The following CMIP variants were observed in gnomAD, a reference collection of about 807,000 sequenced individuals.
CMIP encodes c-Maf inducing protein, also known as C-Maf-inducing protein.
Under a neutral mutation model 97.3 loss-of-function variants are expected in CMIP, and 13 were observed. That is an observed-to-expected ratio of 0.13 (90% CI 0.09 to 0.21). CMIP has a LOEUF of 0.21. Among genes scored for constraint, CMIP ranks in the 10% least tolerant of loss-of-function variants. CMIP has a pLI of 1.00. For synonymous variants in CMIP, 538 were observed against 436.3 expected, an observed-to-expected ratio of 1.23 and a Z score of -2.91; for missense variants, 847 against 1,024.9, an observed-to-expected ratio of 0.83 and a Z score of 2.37.
At chr16:81,696,825 G>A in intron 14 of CMIP, 158 bp downstream of exon 14, 1 of 672,242 alleles carries the variant, frequency 1.5e-6, no homozygotes, top group Middle Eastern at 3.5e-4. Context: ...TGGTGGTGAT[G>A]GTGACCGTGA....
chr16:81,657,565 G>C (rs185751623), intron 4 of CMIP, among the ~76,000 whole-genome samples: 97 of 152,194 alleles, frequency 6.4e-4, no homozygotes, highest in African/African-American at 2.3e-3. Context: ...CAAGAACTCA[G>C]TTCTCCCTGC....
rs1449221924 is a variant in CMIP, at chr16:81,678,617, C to T, written c.1377C>T (p.Ile459=). 2.6e-6 allele frequency: 4 copies of T among 1,567,838 alleles called. No individual in the cohort carries two copies. Among genetic ancestry groups the T allele is most frequent in the Non-Finnish European group, 3.5e-6 (4 of 1,147,076 alleles). ...ADRTLGCYVE[I]LKLLSDYDDW... ...GCACGCTCGGCTGCTACGTGGAAAT[C>T]CTCAAGCTGCTGTGAGTGCCCCCCC... The change falls in exon 10 of 21, where the codon ATC becomes ATT. Residue 459 remains isoleucine, a synonymous_variant. Transcript: ENST00000537098.
intron 1 of CMIP, among the ~76,000 whole-genome samples, chr16:81,588,157 C>A (rs2091412381): frequency 6.6e-6 from 1 of 152,166 alleles, no homozygotes; most frequent in African/African-American, 2.4e-5. Flanking sequence ...CCCTCCGGAT[C>A]CCCAGGGCTG....
intron 1 of CMIP, among the ~76,000 whole-genome samples, chr16:81,489,712 G>A (rs1406483601): frequency 6.6e-6 from 1 of 152,194 alleles, no homozygotes; most frequent in Non-Finnish European, 1.5e-5. Context: ...CACTGCCCAG[G>A]CTCGTTCAGG....
chr16:81,550,389 C>T (rs531926445), intron 1 of CMIP, among the ~76,000 whole-genome samples: 2 of 152,312 alleles, frequency 1.3e-5, no homozygotes, highest in South Asian at 2.1e-4. Flanking sequence ...ATGGCATGCC[C>T]TCCCAGCTTT....
chr16:81,640,737 C>CGTGTGTGTGTGTGTGT (rs1567627570), intron 3 of CMIP, among the ~76,000 whole-genome samples: 8 of 76,044 alleles, frequency 1.1e-4, no homozygotes, highest in African/African-American at 3.1e-4. Flanking sequence ...CTCTCTGGAG[C>CGTGTGTGTGTGTGTGT]ATGTGTGTGT....
At chr16:81,486,216 A>G (rs1289482322) in intron 1 of CMIP, among the ~76,000 whole-genome samples, 2 of 152,220 alleles carry the variant, frequency 1.3e-5, no homozygotes, top group Non-Finnish European at 2.9e-5. Flanking sequence ...AGGCTTTCTC[A>G]GAGATATTCA....
intron 1 of CMIP, among the ~76,000 whole-genome samples, chr16:81,532,759 C>G (rs1214973416): frequency 6.6e-6 from 1 of 152,208 alleles, no homozygotes; most frequent in Non-Finnish European, 1.5e-5. Flanking sequence ...TGGGATGCAG[C>G]TCTGTGCCCT....
At chr16:81,485,577 A>G (rs747197807) in intron 1 of CMIP, among the ~76,000 whole-genome samples, 16 of 152,188 alleles carry the variant, frequency 1.1e-4, no homozygotes, top group Non-Finnish European at 2.4e-4. Context: ...AGCCCTTCTG[A>G]TGTCCCTCCC....
chr16:81,650,770 T>C (rs1312146066), intron 3 of CMIP, among the ~76,000 whole-genome samples: 1 of 152,134 alleles, frequency 6.6e-6, no homozygotes, highest in Non-Finnish European at 1.5e-5. Flanking sequence ...GGGTCAGGGT[T>C]ACAGATTGAA....
chr16:81,513,517 T>G (rs2089853225), intron 1 of CMIP, among the ~76,000 whole-genome samples: 1 of 152,236 alleles, frequency 6.6e-6, no homozygotes, highest in African/African-American at 2.4e-5. Flanking sequence ...AGCTGGCCTT[T>G]GTTTCTCTGC....
chr16:81,647,319 T>G (rs1403021699), intron 3 of CMIP, among the ~76,000 whole-genome samples: 1 of 152,200 alleles, frequency 6.6e-6, no homozygotes, highest in Non-Finnish European at 1.5e-5. Flanking sequence ...ATTTGGGGCT[T>G]TGTGGGCCAC....
intron 2 of CMIP, among the ~76,000 whole-genome samples, chr16:81,608,006 CA>C (rs2091772859): frequency 6.6e-6 from 1 of 152,146 alleles, no homozygotes; most frequent in Non-Finnish European, 1.5e-5. Flanking sequence ...GAAACTGAGG[CA>C]CACAGGTGAG....
chr16:81,670,026 C>T (rs1309707018), intron 7 of CMIP, 116 bp from the exon 8 acceptor site: 5 of 951,442 alleles, frequency 5.3e-6, no homozygotes, highest in Non-Finnish European at 7.8e-6. Flanking sequence ...CATTGCCTTC[C>T]ACATCAACAG....
At chr16:81,586,558 TG>T (rs1287382460) in intron 1 of CMIP, among the ~76,000 whole-genome samples, 8 of 152,182 alleles carry the variant, frequency 5.3e-5, no homozygotes, top group African/African-American at 1.9e-4. Flanking sequence ...CTCCAAGCAC[TG>T]TAGCCTGCCA....
chr16:81,481,442 T>G (rs1187429840), intron 1 of CMIP, among the ~76,000 whole-genome samples: 1 of 152,182 alleles, frequency 6.6e-6, no homozygotes, highest in Non-Finnish European at 1.5e-5. Context: ...AAGCGGAGAC[T>G]GAAATTGAAT....
chr16:81,645,279 T>C (rs2092351135), intron 3 of CMIP: 1 of 922,140 alleles, frequency 1.1e-6, no homozygotes, highest in South Asian at 2.0e-5. Context: ...GGGGTCCTCC[T>C]CCACTCTGCA....
chr16:81,446,810 A>C (rs1247227453), intron 1 of CMIP, among the ~76,000 whole-genome samples: 2 of 152,036 alleles, frequency 1.3e-5, no homozygotes, highest in Non-Finnish European at 2.9e-5. Context: ...GGAGGGGGGA[A>C]AAGTTAGCTG....
chr16:81,520,911 T>C (rs1188604441), intron 1 of CMIP, among the ~76,000 whole-genome samples: 10 of 152,154 alleles, frequency 6.6e-5, no homozygotes, highest in Admixed American at 6.5e-4. Context: ...TAGGAGCTGC[T>C]GTCGTGAGTG....
Sources: gnomAD v4.1 joint callset for allele counts (sites outside exome capture counted in the v4.1 genomes callset) on GRCh38, gnomAD v4.1.1 for gene constraint, MANE v1.5 for transcripts, NCBI Gene and HGNC (gene_info 2026-07-23, HGNC 2026-07-21) for gene names.